Variants in PDE1C observed in about 807,000 individuals in gnomAD.
PDE1C encodes phosphodiesterase 1C.
In PDE1C, 62 loss-of-function variants were observed where a neutral mutation model predicts 93.1. The ratio of observed to expected loss-of-function variants is 0.67; its 90% CI spans 0.54 to 0.82. The LOEUF (loss-of-function observed/expected upper bound fraction) is 0.82. Among genes scored for constraint, PDE1C ranks in the 40% least tolerant of loss-of-function variants. The pLI is 0.00. For synonymous variants in PDE1C, 325 were observed against 310.1 expected (o/e 1.05, Z -0.50); for missense variants, 742 against 884.6 (o/e 0.84, Z 2.04).
chr7:32,242,524 C>A (rs1808618490), intron 1 of PDE1C, among the ~76,000 whole-genome samples: 1 of 152,160 alleles, frequency 6.6e-6, no homozygotes. Flanking sequence ...GGAGGATTGT[C>A]TCTTTGGTAA....
intron 3 of PDE1C, among the ~76,000 whole-genome samples, chr7:32,087,481 C>T (rs1263789061): frequency 6.6e-6 from 1 of 152,204 alleles, no homozygotes; most frequent in Non-Finnish European, 1.5e-5. Context: ...TACCATTTGA[C>T]CCAGCCATCC....
At chr7:31,743,114 C>A in the PDE1C span, among the ~76,000 whole-genome samples, 1 of 152,002 alleles carries the variant, frequency 6.6e-6, no homozygotes, top group African/African-American at 2.4e-5. Context: ...TTTCTCCTAC[C>A]CTCTACCAAT....
Position 31,993,543 on chromosome 7 carries a change from T to C in PDE1C, c.128+58011A>G, listed in dbSNP as rs1021659079. Among the ~76,000 whole-genome samples, 137 of 152,190 alleles carry C rather than the reference T, an allele frequency of 9.0e-4. 1 individual carries two copies. Among genetic ancestry groups the C allele is most frequent in the Non-Finnish European group, 7.3e-5 (5 of 68,036 alleles). On this transcript the variant is annotated intron_variant, in intron 2 of 17. Coordinates refer to ENST00000396191, the MANE Select transcript of PDE1C (RefSeq NM_001191057.4). ...GGATGAATAGCCTCTATAAGTCTAA[T>C]TTTTCTTATTGCAAAATATAAAAGT...
chr7:31,865,488 G>A (rs1795183761), intron 6 of PDE1C, among the ~76,000 whole-genome samples: 1 of 151,764 alleles, frequency 6.6e-6, no homozygotes, highest in Non-Finnish European at 1.5e-5. Flanking sequence ...AACCCTAAGG[G>A]AAAAAAAGAT....
intron 1 of PDE1C, among the ~76,000 whole-genome samples, chr7:32,380,839 G>C (rs1784519782): frequency 6.6e-6 from 1 of 152,032 alleles, no homozygotes; most frequent in South Asian, 2.1e-4. Flanking sequence ...GGTGCCTCAG[G>C]ACTGAGTTTG....
chr7:31,790,127 G>A (rs1784406687), intron 16 of PDE1C: 1 of 1,577,424 alleles, frequency 6.3e-7, no homozygotes, highest in Admixed American at 1.9e-5. Context: ...GTGTTTGAAA[G>A]TTGTACACCT....
chr7:31,994,142 G>A (rs1026160705), intron 2 of PDE1C, among the ~76,000 whole-genome samples: 2 of 152,080 alleles, frequency 1.3e-5, no homozygotes, highest in East Asian at 1.9e-4. Context: ...CAGAGGCAAA[G>A]CAACAATCAC....
intron 16 of PDE1C, among the ~76,000 whole-genome samples, chr7:31,808,565 T>C (rs1484047751): frequency 6.6e-6 from 1 of 151,948 alleles, no homozygotes; most frequent in African/African-American, 2.4e-5. Context: ...ACATTAGCAC[T>C]ATAAAGACCC....
At chr7:31,698,989 A>G in the PDE1C span, among the ~76,000 whole-genome samples, 1 of 152,232 alleles carries the variant, frequency 6.6e-6, no homozygotes, top group South Asian at 2.1e-4. Context: ...TGCCAGGCAC[A>G]GCTCAAGTGC....
the PDE1C span, chr7:31,656,273 A>G: frequency 5.7e-6 from 1 of 174,718 alleles, no homozygotes; most frequent in African/African-American, 2.4e-5. Context: ...TCTGGAGGAA[A>G]GTACAGACTC....
intron 11 of PDE1C, among the ~76,000 whole-genome samples, chr7:31,836,712 T>G (rs1791158497): frequency 6.6e-6 from 1 of 152,184 alleles, no homozygotes; most frequent in Admixed American, 6.5e-5. Flanking sequence ...AATGGCAGTT[T>G]CTAGTGATTT....
chr7:32,120,811 G>C (rs1269852715), intron 3 of PDE1C, among the ~76,000 whole-genome samples: 1 of 152,138 alleles, frequency 6.6e-6, no homozygotes, highest in African/African-American at 2.4e-5. Context: ...AAGGCCAGGT[G>C]CCTCTTCTCT....
At chr7:32,000,414 C>G (rs1458970470) in intron 2 of PDE1C, among the ~76,000 whole-genome samples, 1 of 152,126 alleles carries the variant, frequency 6.6e-6, no homozygotes, top group Non-Finnish European at 1.5e-5. Flanking sequence ...GAAAGAAGAA[C>G]AGGATTTCAC....
intron 14 of PDE1C, among the ~76,000 whole-genome samples, chr7:31,822,283 A>G (rs1445970720): frequency 3.3e-5 from 5 of 151,932 alleles, no homozygotes; most frequent in African/African-American, 1.2e-4. Flanking sequence ...CAGAGCCACC[A>G]TGTCTTTGTC....
chr7:31,692,655 C>A, the PDE1C span: 1 of 761,264 alleles, frequency 1.3e-6, no homozygotes, highest in Non-Finnish European at 2.2e-6. Context: ...TGGTGACAGC[C>A]AACACCAGAT....
At chr7:32,379,429 C>A (rs899860248) in intron 1 of PDE1C, among the ~76,000 whole-genome samples, 1 of 152,180 alleles carries the variant, frequency 6.6e-6, no homozygotes, top group Non-Finnish European at 1.5e-5. Flanking sequence ...AAAGCAAGAC[C>A]ATTGTCCATG....
chr7:31,943,401 G>T (rs1246955222), intron 2 of PDE1C, among the ~76,000 whole-genome samples: 1 of 152,074 alleles, frequency 6.6e-6, no homozygotes, highest in Admixed American at 6.6e-5. Context: ...CCAGAGAATT[G>T]GTTCTACTGG....
chr7:32,212,025 C>CA (rs35827566), intron 1 of PDE1C, among the ~76,000 whole-genome samples: 3,106 of 81,056 alleles, frequency 0.038, 140 homozygotes, highest in African/African-American at 0.12. Flanking sequence ...GAACCTATCT[C>CA]AAAAAAAAAA....
At chr7:31,649,327 G>A in the PDE1C span, among the ~76,000 whole-genome samples, 2 of 152,130 alleles carry the variant, frequency 1.3e-5, no homozygotes, top group East Asian at 1.9e-4. Flanking sequence ...CTAGAAACAG[G>A]GCTAGAGGAG....
Sources: gnomAD v4.1 joint callset for allele counts (sites outside exome capture counted in the v4.1 genomes callset) on GRCh38, gnomAD v4.1.1 for gene constraint, MANE v1.5 for transcripts, NCBI Gene and HGNC (gene_info 2026-07-23, HGNC 2026-07-21) for gene names.